Variants in TNRC6C observed in about 807,000 individuals in gnomAD.
TNRC6C encodes the protein trinucleotide repeat-containing gene 6C protein.
Under a neutral mutation model 153.7 loss-of-function variants are expected in TNRC6C, and 20 were observed. The ratio of observed to expected loss-of-function variants is 0.13; its 90% CI spans 0.09 to 0.19. The LOEUF is 0.19. TNRC6C is among the 10% of genes least tolerant of loss of function. The pLI, the probability that TNRC6C is intolerant of heterozygous loss-of-function variation, is 1.00. For synonymous variants in TNRC6C, 811 were observed against 841.4 expected, an observed-to-expected ratio of 0.96 and a Z score of 0.63; for missense variants, 1,987 against 2,172.0, an observed-to-expected ratio of 0.91 and a Z score of 1.69.
chr17:78,050,325 G>A, exon 3 of TNRC6C: 1 of 1,589,464 alleles, frequency 6.3e-7, no homozygotes, highest in African/African-American at 1.3e-5. Flanking sequence ...AAGGCCGAAG[G>A]CGAGATAAAG....
At chr17:77,979,092 G>C (rs1190868315) in intron 1 of TNRC6C, among the ~76,000 whole-genome samples, 2 of 152,098 alleles carry the variant, frequency 1.3e-5, no homozygotes, top group Non-Finnish European at 2.9e-5. Flanking sequence ...TGGACCTTAA[G>C]GTAATGTTGA....
chr17:78,018,689 T>C lies in TNRC6C; in HGVS notation c.-545-12827T>C, dbSNP rs529687503. On this transcript the variant is annotated intron_variant, in intron 1 of 19. Coordinates refer to ENST00000301624, the Ensembl canonical transcript of TNRC6C. ...TCAAGTTTATTATTGATCCTTTTTC[T>C]CTACTAAGATGTGAGCTCCACAGGG... Among the ~76,000 whole-genome samples, 410 of 152,322 alleles carry C rather than the reference T, an allele frequency of 2.7e-3. 2 individuals carry two copies. The highest frequency in any genetic ancestry group is 3.9e-3 in the Non-Finnish European group (265 of 68,026).
At position 78,100,845 on chromosome 17, in the gene TNRC6C, G is replaced by A. The variant is rs537786829; in HGVS notation, c.4502-1629G>A. ...GGCCGGAGTACAGTGGCGTGATCTC[G>A]GCTCACTGCAACCTCTGCCTCCCAG... On this transcript the variant is annotated intron_variant, in intron 17 of 19. Coordinates refer to ENST00000301624, the Ensembl canonical transcript of TNRC6C. Among the ~76,000 whole-genome samples, 7 of 141,930 alleles carry A rather than the reference G, an allele frequency of 4.9e-5. 1 individual carries two copies. In the South Asian group the frequency reaches 8.9e-4, roughly 18 times the overall value. The allele number at this position is 141,930 out of a possible 152,430, so 93.1% of individuals were successfully genotyped here. A position where few individuals can be genotyped will look rare whatever the true frequency, so the allele number is the denominator to read the frequency against.
chr17:78,091,700 AG>A, intron 14 of TNRC6C, 93 bp downstream of exon 16: 1 of 1,252,662 alleles, frequency 8.0e-7, no homozygotes, highest in Non-Finnish European at 1.0e-6. Flanking sequence ...TACTTTTCTA[AG>A]AATTGAGCAC....
chr17:78,020,196 A>G (rs1484640689), intron 1 of TNRC6C, among the ~76,000 whole-genome samples: 1 of 152,154 alleles, frequency 6.6e-6, no homozygotes, highest in Non-Finnish European at 1.5e-5. Context: ...CCCTTTTCTT[A>G]GGGTCCAGGA....
At chr17:78,095,561 A>G (rs926321938) in intron 16 of TNRC6C, among the ~76,000 whole-genome samples, 8 of 152,202 alleles carry the variant, frequency 5.3e-5, no homozygotes, top group Non-Finnish European at 7.3e-5. Context: ...GTACACAGAC[A>G]TCAGTATTCA....
At chr17:77,977,891 CTTTTT>C (rs528315933) in intron 1 of TNRC6C, among the ~76,000 whole-genome samples, 2 of 114,134 alleles carry the variant, frequency 1.8e-5, no homozygotes, top group Admixed American at 9.1e-5. Flanking sequence ...TTTAAAACCT[CTTTTT>C]TTTTTTTTTT....
exon 3 of TNRC6C, chr17:78,048,914 G>T: frequency 7.9e-7 from 1 of 1,268,468 alleles, no homozygotes; most frequent in South Asian, 3.5e-5. Flanking sequence ...ACTTACAGAA[G>T]CGAAGCCAAC....
chr17:78,058,396 T>C (rs1598742881), intron 3 of TNRC6C, among the ~76,000 whole-genome samples: 1 of 152,196 alleles, frequency 6.6e-6, no homozygotes, highest in African/African-American at 2.4e-5. Context: ...CAAGAGAACA[T>C]TGAATATTAA....
At chr17:78,005,665 C>A (rs993169133) in intron 1 of TNRC6C, among the ~76,000 whole-genome samples, 3 of 152,084 alleles carry the variant, frequency 2.0e-5, no homozygotes, top group Non-Finnish European at 4.4e-5. Context: ...TCCTTTTATA[C>A]CTGTATGTTT....
intron 1 of TNRC6C, among the ~76,000 whole-genome samples, chr17:77,992,027 G>A (rs2071258973): frequency 6.6e-6 from 1 of 152,190 alleles, no homozygotes; most frequent in African/African-American, 2.4e-5. Flanking sequence ...GATTTGAGGA[G>A]CGAATGAAGT....
At chr17:78,015,825 T>C (rs1300192744) in intron 1 of TNRC6C, among the ~76,000 whole-genome samples, 1 of 152,058 alleles carries the variant, frequency 6.6e-6, no homozygotes, top group Non-Finnish European at 1.5e-5. Flanking sequence ...GGCAGGAGAA[T>C]TGCTGGAACC....
intron 3 of TNRC6C, among the ~76,000 whole-genome samples, chr17:78,052,751 TTGG>T (rs149459201): frequency 0.026 from 3,943 of 152,286 alleles, 175 homozygotes; most frequent in African/African-American, 0.089. Flanking sequence ...CGTAGACTTC[TTGG>T]TGGTTCACTT....
At chr17:77,958,228 C>G (rs376120773), upstream of TNRC6C, among the ~76,000 whole-genome samples, 86 of 151,916 alleles carry the variant, frequency 5.7e-4, 1 homozygote, top group African/African-American at 2.0e-3. Flanking sequence ...GCCCGGAGAA[C>G]CCACCGGACG....
intron 1 of TNRC6C, among the ~76,000 whole-genome samples, chr17:78,030,194 G>A (rs771458956): frequency 1.3e-5 from 2 of 151,834 alleles, no homozygotes; most frequent in Non-Finnish European, 1.5e-5. Flanking sequence ...CTGTCACCCA[G>A]CCTGGAGTGC....
At chr17:78,044,238 T>G (rs1009683908) in intron 2 of TNRC6C, among the ~76,000 whole-genome samples, 3 of 152,214 alleles carry the variant, frequency 2.0e-5, no homozygotes, top group Admixed American at 6.5e-5. Context: ...GTAACTTCAG[T>G]TAAGTTGGTT....
At chr17:77,966,612 TG>T (rs941741212) in intron 1 of TNRC6C, among the ~76,000 whole-genome samples, 48 of 152,316 alleles carry the variant, frequency 3.2e-4, no homozygotes, top group African/African-American at 1.1e-3. Context: ...TAGATGCTGA[TG>T]GGGAAAGATG....
chr17:77,985,981 A>G (rs2071161001), intron 1 of TNRC6C, among the ~76,000 whole-genome samples: 1 of 152,262 alleles, frequency 6.6e-6, no homozygotes, highest in African/African-American at 2.4e-5. Context: ...GATGCAGTAT[A>G]GATAAGTCAG....
chr17:78,096,264 T>G (rs1079121), intron 16 of TNRC6C, among the ~76,000 whole-genome samples: 36,967 of 151,808 alleles, frequency 0.24, 5,486 homozygotes, highest in African/African-American at 0.41. Flanking sequence ...GCCTGCTGTA[T>G]GGTAGAGGGT....
Sources: allele counts gnomAD v4.1 joint callset (sites outside exome capture counted in the v4.1 genomes callset), GRCh38; gene constraint gnomAD v4.1.1; transcripts MANE v1.5; gene names NCBI Gene and HGNC (gene_info 2026-07-23, HGNC 2026-07-21).